ARHGAP24: variants seen among roughly 807,000 people sequenced by gnomAD.
ARHGAP24 encodes the protein rho GTPase-activating protein 24.
In ARHGAP24, 50 loss-of-function variants were observed where a neutral mutation model predicts 76.4. The observed-to-expected ratio is 0.65, with a 90% CI of 0.52 to 0.83. ARHGAP24 has a LOEUF of 0.83. Ranked by LOEUF, ARHGAP24 falls within the 40% of genes least tolerant of loss-of-function variation. ARHGAP24 has a pLI of 0.00. For missense variants in ARHGAP24, 930 were observed against 914.2 expected, an observed-to-expected ratio of 1.02 and a Z score of -0.22; for synonymous variants, 345 against 323.3, an observed-to-expected ratio of 1.07 and a Z score of -0.72.
intron 1 of ARHGAP24, among the ~76,000 whole-genome samples, chr4:85,541,357 T>G (rs1368515358): frequency 8.1e-6 from 1 of 122,804 alleles, no homozygotes; most frequent in Non-Finnish European, 1.5e-5. Flanking sequence ...GTTTCACCAT[T>G]TTAGCCGGGA....
At position 86,002,360 on chromosome 4, in the gene ARHGAP24, C is replaced by T. The variant is rs1741063058; in HGVS notation, c.*1638C>T. 1 of 152,156 alleles carries T rather than the reference C, an allele frequency of 6.6e-6. No homozygotes were observed. Among genetic ancestry groups the T allele is most frequent in the Non-Finnish European group, 1.5e-5 (1 of 68,028 alleles). The allele number at this position is 152,156 out of a possible 1,614,324, so 9.4% of individuals were successfully genotyped here. A position where few individuals can be genotyped will look rare whatever the true frequency, so the allele number is the denominator to read the frequency against. On this transcript the variant is annotated 3_prime_UTR_variant, in exon 10 of 10. Transcript: ENST00000395184. The stretch of plus-strand genomic sequence containing the variant: ...GCAATAATTTCTTTAATTCCCTTTT[C>T]TCTCTCTTTCCAATTATTTAACCAG...
intron 2 of ARHGAP24, among the ~76,000 whole-genome samples, chr4:85,590,361 A>C (rs1215248433): frequency 1.2e-5 from 1 of 82,646 alleles, no homozygotes; most frequent in African/African-American, 4.7e-5. Flanking sequence ...TTTTTATTTT[A>C]TTTTATTTTA....
chr4:85,662,180 T>A (rs1179622495), intron 2 of ARHGAP24, among the ~76,000 whole-genome samples: 1 of 152,174 alleles, frequency 6.6e-6, no homozygotes, highest in Admixed American at 6.5e-5. Flanking sequence ...CAGCACCTGT[T>A]GTTTCCTGAC....
At chr4:85,737,192 AC>A (rs1725638466) in intron 3 of ARHGAP24, among the ~76,000 whole-genome samples, 1 of 152,116 alleles carries the variant, frequency 6.6e-6, no homozygotes, top group Non-Finnish European at 1.5e-5. Context: ...GGAAGTCCAG[AC>A]CTGAGTCATA....
intron 5 of ARHGAP24, among the ~76,000 whole-genome samples, chr4:85,958,392 T>G (rs1738047469): frequency 6.6e-6 from 1 of 152,188 alleles, no homozygotes; most frequent in Admixed American, 6.5e-5. Context: ...ATGGTATTGA[T>G]GATTGTCACT....
At chr4:85,533,909 G>A (rs1725367126) in intron 1 of ARHGAP24, among the ~76,000 whole-genome samples, 1 of 152,172 alleles carries the variant, frequency 6.6e-6, no homozygotes, top group Middle Eastern at 3.4e-3. Flanking sequence ...CACTCTCTTC[G>A]AAAAGATGAC....
chr4:85,958,711 A>T (rs976200022), intron 5 of ARHGAP24, among the ~76,000 whole-genome samples: 1 of 152,350 alleles, frequency 6.6e-6, no homozygotes, highest in African/African-American at 2.4e-5. Context: ...TCAAGGGTAC[A>T]ATCCTAGTGA....
At chr4:85,934,931 A>G (rs1389946932) in intron 4 of ARHGAP24, among the ~76,000 whole-genome samples, 1 of 152,200 alleles carries the variant, frequency 6.6e-6, no homozygotes, top group African/African-American at 2.4e-5. Flanking sequence ...GCACATACAC[A>G]CACACACACA....
Position 85,491,098 on chromosome 4 carries a change from G to T in ARHGAP24, c.-21+15539G>T, listed in dbSNP as rs113609245. On this transcript the variant is annotated intron_variant, in intron 1 of 9. Coordinates refer to ENST00000395184, the MANE Select transcript of ARHGAP24 (RefSeq NM_001025616.3). ...GGGTCATACAAAACTTGTTACTTTA[G>T]GTTGATCAATTACCTTATTATCTTG... Among the ~76,000 whole-genome samples the T allele has an allele frequency of 4.6e-3, 697 of 152,222 alleles. 5 individuals are homozygous for T. Among genetic ancestry groups the T allele is most frequent in the African/African-American group, 0.016 (668 of 41,522 alleles).
chr4:85,728,382 T>A (rs1560604720), intron 3 of ARHGAP24, among the ~76,000 whole-genome samples: 1 of 152,080 alleles, frequency 6.6e-6, no homozygotes, highest in Admixed American at 6.6e-5. Context: ...TCTCTCTCTC[T>A]CACCTCTCTC....
At chr4:85,950,692 T>C (rs1737563215) in intron 5 of ARHGAP24, among the ~76,000 whole-genome samples, 1 of 151,794 alleles carries the variant, frequency 6.6e-6, no homozygotes, top group Non-Finnish European at 1.5e-5. Flanking sequence ...TCTTTTTTTT[T>C]TAAGAGTCTC....
chr4:85,843,653 A>G (rs1443373329), intron 3 of ARHGAP24, among the ~76,000 whole-genome samples: 1 of 152,118 alleles, frequency 6.6e-6, no homozygotes, highest in Non-Finnish European at 1.5e-5. Flanking sequence ...ATACAGGGAA[A>G]AATTTCTTTA....
chr4:85,642,451 G>T (rs750644145), intron 2 of ARHGAP24, among the ~76,000 whole-genome samples: 1 of 152,020 alleles, frequency 6.6e-6, no homozygotes, highest in African/African-American at 2.4e-5. Flanking sequence ...AACTCAGCAT[G>T]CTCCAAACTT....
intron 1 of ARHGAP24, among the ~76,000 whole-genome samples, chr4:85,483,251 T>G (rs748044426): frequency 2.0e-5 from 3 of 152,186 alleles, no homozygotes; most frequent in Non-Finnish European, 4.4e-5. Context: ...TAAAATCAAA[T>G]TACTGGCTTA....
chr4:85,589,814 A>T (rs1728010938), intron 2 of ARHGAP24, among the ~76,000 whole-genome samples: 1 of 152,212 alleles, frequency 6.6e-6, no homozygotes, highest in Non-Finnish European at 1.5e-5. Flanking sequence ...TTCTTTCAAA[A>T]TAGATTCAAG....
At position 85,763,480 on chromosome 4, in the gene ARHGAP24, G is replaced by A. The variant is rs548548601; in HGVS notation, c.268+41508G>A. On this transcript the variant is annotated intron_variant, in intron 3 of 9. Coordinates refer to ENST00000395184, the MANE Select transcript of ARHGAP24 (RefSeq NM_001025616.3). ...AGGGAACACCTACCAACAACAAGAG[G>A]CAAGGGATAGGGTAGATGAGGACGA... Among the ~76,000 whole-genome samples the A allele has an allele frequency of 1.4e-4, 21 of 151,546 alleles. No homozygotes were observed. In the East Asian group the frequency reaches 4.1e-3, roughly 30 times the overall value.
chr4:85,718,592 T>C (rs1400025563), intron 2 of ARHGAP24, among the ~76,000 whole-genome samples: 3 of 152,134 alleles, frequency 2.0e-5, no homozygotes, highest in Non-Finnish European at 4.4e-5. Flanking sequence ...GTGATCAAGT[T>C]AGCTATTTCA....
At chr4:85,496,588 A>C (rs775009846) in intron 1 of ARHGAP24, among the ~76,000 whole-genome samples, 6 of 152,196 alleles carry the variant, frequency 3.9e-5, no homozygotes, top group African/African-American at 7.2e-5. Context: ...ACAGGTTTCA[A>C]ATCACAACCG....
intron 5 of ARHGAP24, among the ~76,000 whole-genome samples, chr4:85,969,260 T>G (rs1034071965): frequency 5.3e-5 from 8 of 152,138 alleles, no homozygotes; most frequent in Admixed American, 2.0e-4. Context: ...GCTAAGCAAG[T>G]TACCTTAAAA....
Sources: allele counts gnomAD v4.1 joint callset (sites outside exome capture counted in the v4.1 genomes callset), GRCh38; gene constraint gnomAD v4.1.1; transcripts MANE v1.5; gene names NCBI Gene and HGNC (gene_info 2026-07-23, HGNC 2026-07-21).